The following CELSR1 variants were observed in gnomAD, a reference collection of about 807,000 sequenced individuals.
The protein encoded by CELSR1 is cadherin EGF LAG seven-pass G-type receptor 1.
Under a neutral mutation model 249.1 loss-of-function variants are expected in CELSR1, and 110 were observed. The observed-to-expected ratio is 0.44, with a 90% CI of 0.38 to 0.52. The LOEUF (loss-of-function observed/expected upper bound fraction) is 0.52, where lower values mean the gene tolerates loss of function less well. Among genes scored for constraint, CELSR1 ranks in the 20% least tolerant of loss-of-function variants. CELSR1 has a pLI of 0.00. For synonymous variants in CELSR1, 2,113 were observed against 1,900.0 expected, an observed-to-expected ratio of 1.11 and a Z score of -2.92; for missense variants, 4,109 against 4,296.4, an observed-to-expected ratio of 0.96 and a Z score of 1.22.
chr22:46,460,139 G>A (rs796299204), intron 2 of CELSR1, among the ~76,000 whole-genome samples: 16 of 151,842 alleles, frequency 1.1e-4, no homozygotes, highest in African/African-American at 3.9e-4. Context: ...TCACACCACT[G>A]AACTCCAGCC....
At chr22:46,492,436 C>G (rs1422884902) in intron 1 of CELSR1, among the ~76,000 whole-genome samples, 1 of 152,182 alleles carries the variant, frequency 6.6e-6, no homozygotes, top group Non-Finnish European at 1.5e-5. Flanking sequence ...CAGAAATTAC[C>G]TCTTTTTTCT....
chr22:46,456,529 G>A (rs1036751583), intron 2 of CELSR1, among the ~76,000 whole-genome samples: 5 of 151,978 alleles, frequency 3.3e-5, no homozygotes, highest in Non-Finnish European at 5.9e-5. Flanking sequence ...CAGGCGTGGT[G>A]GTGGGCACCT....
chr22:46,394,024 T>C (rs893708770), intron 14 of CELSR1, 118 bp downstream of exon 14: 4 of 1,313,780 alleles, frequency 3.0e-6, no homozygotes, highest in Admixed American at 2.1e-5. Context: ...CACAGGTGTG[T>C]GTGCAGGGGT....
intron 1 of CELSR1, among the ~76,000 whole-genome samples, chr22:46,480,070 A>T (rs2080251324): frequency 6.6e-6 from 1 of 152,208 alleles, no homozygotes. Context: ...CAAGTAGCCA[A>T]ATGCTCCTCT....
Position 46,464,110 on chromosome 22 carries a change from C to A in CELSR1, c.3780G>T (p.Val1260=). 1 of 1,613,850 alleles carries A rather than the reference C, an allele frequency of 6.2e-7. No individual in the cohort carries two copies. Among genetic ancestry groups the A allele is most frequent in the Admixed American group, 1.7e-5 (1 of 60,034 alleles). The change falls in exon 2 of 35, where the codon GTG becomes GTT. Residue 1260 remains valine (V), a synonymous_variant. Transcript: ENST00000674500. This position sits in a 1 kb window ranked among gnomAD's most constrained non-coding sequence, Gnocchi z 8.5. ...DTDVSSNILN[V]TFSALLPGGV... is the part of the protein sequence containing the mutation. ...CGCCAGGCAGCAGCGCCGAGAAGGTCACGTTCAGGATGTTGGAGCTGACGT... is the reference window on the plus strand; with the variant it reads ...CGCCAGGCAGCAGCGCCGAGAAGGTAACGTTCAGGATGTTGGAGCTGACGT...
Position 46,381,145 on chromosome 22 carries a change from C to T in CELSR1, c.7089-190G>A, listed in dbSNP as rs2078973813. Among the ~76,000 whole-genome samples the T allele has an allele frequency of 6.6e-6, 1 of 152,116 alleles. No homozygotes were observed. Among genetic ancestry groups the T allele is most frequent in the African/African-American group, 2.4e-5 (1 of 41,420 alleles). Reference sequence around the variant, plus strand: ...AGCAGGTTTTATCACTGACAGGGCACACAGAGAGAGGTGTCACCTTTGGGT... The same window carrying T: ...AGCAGGTTTTATCACTGACAGGGCATACAGAGAGAGGTGTCACCTTTGGGT... On this transcript the variant is annotated intron_variant, in intron 21 of 34. Transcript: ENST00000674500. The surrounding 1 kb of genome is among the most constrained non-coding windows in gnomAD (Gnocchi z 6.0).
At chr22:46,455,040 C>T (rs779254585) in intron 2 of CELSR1, among the ~76,000 whole-genome samples, 5 of 152,146 alleles carry the variant, frequency 3.3e-5, no homozygotes, top group African/African-American at 9.7e-5. Context: ...CAGACGTGCA[C>T]GGAAGAACAC....
chr22:46,534,877 G>A lies in CELSR1; in HGVS notation c.2294C>T (p.Ser765Phe), dbSNP rs137878225. The change falls in exon 1 of 35, where the codon TCC (serine) becomes TTC (phenylalanine). Residue 765 changes from serine (S) to phenylalanine (F), a missense_variant. This residue lies in a region of CELSR1 where 886 missense variants were observed against 896.5 expected (regional missense o/e 0.99). Transcript: ENST00000674500. The surrounding 1 kb of genome is among the most constrained non-coding windows in gnomAD (Gnocchi z 9.7). ...CGCAGTGTGCGACCGTGTGCCGTCG[G>A]ATGCTGTCACCGCCAGCACGTACTG... ...EQQYVLAVTA[S>F]DGTRSHTAHV... 1.6e-5 allele frequency: 25 copies of A among 1,612,592 alleles called. No homozygotes were observed. The highest frequency in any genetic ancestry group is 1.9e-5 in the Non-Finnish European group (22 of 1,180,020).
At position 46,436,805 on chromosome 22, in the gene CELSR1, C is replaced by A. The variant is rs2079667442; in HGVS notation, c.4407-516G>T. Among the ~76,000 whole-genome samples the A allele has an allele frequency of 6.6e-6, 1 of 152,148 alleles. No homozygotes were observed. The highest frequency in any genetic ancestry group is 2.4e-5 in the African/African-American group (1 of 41,428). On this transcript the variant is annotated intron_variant, in intron 3 of 34. Coordinates refer to ENST00000674500, the MANE Select transcript of CELSR1 (RefSeq NM_001378328.1). This position sits in a 1 kb window ranked among gnomAD's most constrained non-coding sequence, Gnocchi z 5.9. ...TCAAAAAGACCCCAGGGCCTTTGCA[C>A]CAGCTGCCCCCTATGCCAGAAACAA... is the stretch of plus-strand genomic sequence containing the variant.
In CELSR1 at chr22:46,468,166, T is replaced by A. The variant is rs2080117444; in HGVS notation, c.3545-3821A>T. ...ACTTTGGGAGGCCGAGGTGGGTGGA[T>A]CACGACGTCAGGAGTTCAAGACCAG... On this transcript the variant is annotated intron_variant, in intron 1 of 34. Coordinates refer to ENST00000674500, the MANE Select transcript of CELSR1 (RefSeq NM_001378328.1). The surrounding 1 kb of genome is among the most constrained non-coding windows in gnomAD (Gnocchi z 4.5). Among the ~76,000 whole-genome samples the A allele has an allele frequency of 6.6e-6, 1 of 151,490 alleles. No individual in the cohort carries two copies.
intron 19 of CELSR1, 128 bp from the exon 20 acceptor site, chr22:46,384,814 G>A: frequency 9.7e-7 from 1 of 1,032,156 alleles, no homozygotes; most frequent in Admixed American, 3.2e-5. Flanking sequence ...TTTTGAGGTG[G>A]AGTCTCGCAG....
In CELSR1 at chr22:46,446,941, A is replaced by G. The variant is rs2079827667; in HGVS notation, c.4184-7530T>C. Among the ~76,000 whole-genome samples, 1 of 152,162 alleles carries G rather than the reference A, an allele frequency of 6.6e-6. No individual in the cohort carries two copies. Among genetic ancestry groups the G allele is most frequent in the South Asian group, 2.1e-4 (1 of 4,834 alleles). The stretch of plus-strand genomic sequence containing the variant: ...CTGACTCCTAGCACAGAGCCAATTC[A>G]GGATTCCCCTGAGGGTTGGTGGTTA... On this transcript the variant is annotated intron_variant, in intron 2 of 34. Transcript: ENST00000674500. The surrounding 1 kb of genome is among the most constrained non-coding windows in gnomAD (Gnocchi z 5.5).
At position 46,437,179 on chromosome 22, in the gene CELSR1, G is replaced by C. The variant is rs2079672819; in HGVS notation, c.4407-890C>G. On this transcript the variant is annotated intron_variant, in intron 3 of 34. Transcript: ENST00000674500. The surrounding 1 kb of genome is among the most constrained non-coding windows in gnomAD (Gnocchi z 4.9). ...GCAAAAACCACCTGCTCGGGCAGGAGATCATCAAATTCTCAGAAATCCTTC... is the reference window on the plus strand; with the variant it reads ...GCAAAAACCACCTGCTCGGGCAGGACATCATCAAATTCTCAGAAATCCTTC... Among the ~76,000 whole-genome samples the C allele has an allele frequency of 6.6e-6, 1 of 152,226 alleles. No homozygotes were observed. The highest frequency in any genetic ancestry group is 2.4e-5 in the African/African-American group (1 of 41,458).
chr22:46,423,383 C>G lies in CELSR1; in HGVS notation c.4611+10010G>C, dbSNP rs2079500396. Among the ~76,000 whole-genome samples, 1 of 150,966 alleles carries G rather than the reference C, an allele frequency of 6.6e-6. No homozygotes were observed. The highest frequency in any genetic ancestry group is 1.5e-5 in the Non-Finnish European group (1 of 67,732). On this transcript the variant is annotated intron_variant, in intron 5 of 34. Transcript: ENST00000674500. This position sits in a 1 kb window ranked among gnomAD's most constrained non-coding sequence, Gnocchi z 5.6. Reference sequence around the variant, plus strand: ...CAGCACTTTGGGAGGCCGAGGGGGGCAGATCACCTGAGGTCAGGAGTTCAA... The same window carrying G: ...CAGCACTTTGGGAGGCCGAGGGGGGGAGATCACCTGAGGTCAGGAGTTCAA...
rs777935236 is a variant in CELSR1, at chr22:46,396,681, C to A, written c.5767G>T (p.Val1923Leu). 6.2e-7 allele frequency: 1 copy of A among 1,612,770 alleles called. No homozygotes were observed. Among genetic ancestry groups the A allele is most frequent in the East Asian group, 2.2e-5 (1 of 44,832 alleles). Residue 1923 changes from valine to leucine, a missense_variant, in exon 13 of 35, where the codon GTG becomes TTG. Transcript: ENST00000674500. This position sits in a 1 kb window ranked among gnomAD's most constrained non-coding sequence, Gnocchi z 6.4. ...CCCTGCGGGGAGCCGGGGGAGCGCA[C>A]GCAGGCCCCCATGTTCTCGCAGGGG... ...LNPCENMGACVRSPGSPQGYV... is the reference protein window; with the variant it reads ...LNPCENMGACLRSPGSPQGYV...
In CELSR1 at chr22:46,534,597, G is replaced by C; in HGVS notation, c.2574C>G (p.Tyr858Ter). The change falls in exon 1 of 35, where the codon TAC (tyrosine) becomes TAG (stop). Residue 858 changes from tyrosine to a stop codon, truncating the protein, a stop_gained. Coordinates refer to ENST00000674500, the MANE Select transcript of CELSR1 (RefSeq NM_001378328.1). LOFTEE classifies it high-confidence loss of function. The surrounding 1 kb of genome is among the most constrained non-coding windows in gnomAD (Gnocchi z 9.7). ...MELDYENQVA[Y>*]TLTIMAQDNG... ...TGTCCTGGGCCATGATGGTCAGCGT[G>C]TAGGCGACCTGGTTCTCATAGTCCA... The C allele has an allele frequency of 6.2e-7, 1 of 1,613,914 alleles. No individual in the cohort carries two copies. The highest frequency in any genetic ancestry group is 8.5e-7 in the Non-Finnish European group (1 of 1,180,044).
intron 14 of CELSR1, among the ~76,000 whole-genome samples, chr22:46,392,948 C>T (rs1413974492): frequency 6.6e-6 from 1 of 152,212 alleles, no homozygotes; most frequent in African/African-American, 2.4e-5. Flanking sequence ...TATGCCACCA[C>T]CGCCATCTGG....
rs965557763 is a variant in CELSR1, at chr22:46,534,939, G to C, written c.2232C>G (p.Ile744Met). 1 of 1,612,470 alleles carries C rather than the reference G, an allele frequency of 6.2e-7. No individual in the cohort carries two copies. Among genetic ancestry groups the C allele is most frequent in the Non-Finnish European group, 8.5e-7 (1 of 1,179,956 alleles). ...TGTAGTCCAGAGGTAGCGCCAGGGT[G>C]ATGAGGCCGCCCCCTCTCTGGCTGC... Reference protein sequence around the residue: ...ALSSQRGGGLITLALPLDYKQ... With the variant: ...ALSSQRGGGLMTLALPLDYKQ... Residue 744 changes from isoleucine (I) to methionine (M), a missense_variant, in exon 1 of 35, where the codon ATC becomes ATG. Transcript: ENST00000674500. This position sits in a 1 kb window ranked among gnomAD's most constrained non-coding sequence, Gnocchi z 9.7.
At chr22:46,432,454 CA>C (rs1192340475) in intron 5 of CELSR1, among the ~76,000 whole-genome samples, 13 of 152,280 alleles carry the variant, frequency 8.5e-5, no homozygotes, top group African/African-American at 3.1e-4. Flanking sequence ...AAGCGGGGCA[CA>C]GCGGGGGTGG....
Sources: gnomAD v4.1 joint callset for allele counts (sites outside exome capture counted in the v4.1 genomes callset) on GRCh38, gnomAD v4.1.1 for gene constraint, gnomAD v4.1.1 regional missense constraint, Gnocchi (gnomAD v3.1) non-coding constraint, MANE v1.5 for transcripts, NCBI Gene and HGNC (gene_info 2026-07-23, HGNC 2026-07-21) for gene names.